KCNC2: variants seen among roughly 807,000 people sequenced by gnomAD.
KCNC2 encodes the protein voltage-gated potassium channel KCNC2.
In KCNC2, 21 loss-of-function variants were observed where a neutral mutation model predicts 44.5. The ratio of observed to expected loss-of-function variants is 0.47; its 90% CI spans 0.33 to 0.68. KCNC2 has a LOEUF of 0.68. Among genes scored for constraint, KCNC2 ranks in the 30% least tolerant of loss-of-function variants. The pLI is 0.01. For missense variants in KCNC2, 589 were observed against 826.2 expected (o/e 0.71, Z 3.52); for synonymous variants, 391 against 339.1 (o/e 1.15, Z -1.68).
chr12:75,086,681 A>AAAAATATATATAT (rs1206456289), intron 2 of KCNC2, among the ~76,000 whole-genome samples: 15 of 54,202 alleles, frequency 2.8e-4, no homozygotes, highest in Non-Finnish European at 4.2e-4. Flanking sequence ...AAAAAAAAAA[A>AAAAATATATATAT]ATATATATAT....
chr12:75,182,008 A>C (rs148923222), intron 2 of KCNC2, among the ~76,000 whole-genome samples: 1,768 of 122,642 alleles, frequency 0.014, 16 homozygotes, highest in Middle Eastern at 0.069. Flanking sequence ...TCCTGAACTC[A>C]TGATCTGCCC....
At chr12:75,076,385 G>A (rs949116680) in intron 2 of KCNC2, among the ~76,000 whole-genome samples, 9 of 152,074 alleles carry the variant, frequency 5.9e-5, no homozygotes, top group Admixed American at 5.9e-4. Flanking sequence ...CCATTCTCCT[G>A]CCTCAGCCTC....
At chr12:75,116,045 T>G (rs961383975) in intron 2 of KCNC2, among the ~76,000 whole-genome samples, 1 of 152,182 alleles carries the variant, frequency 6.6e-6, no homozygotes, top group African/African-American at 2.4e-5. Context: ...AGGAACCTTG[T>G]GCTTTATATT....
chr12:75,112,393 A>T (rs1451500770), intron 2 of KCNC2, among the ~76,000 whole-genome samples: 7 of 152,046 alleles, frequency 4.6e-5, no homozygotes, highest in African/African-American at 1.4e-4. Context: ...GAAATTTTAA[A>T]TCTTCAAAAG....
At chr12:75,129,477 G>T (rs972750097) in intron 2 of KCNC2, among the ~76,000 whole-genome samples, 1 of 151,994 alleles carries the variant, frequency 6.6e-6, no homozygotes, top group Non-Finnish European at 1.5e-5. Context: ...TATCTTGTTC[G>T]TTCTAACTTC....
At chr12:75,202,360 T>C (rs1409557155) in intron 2 of KCNC2, among the ~76,000 whole-genome samples, 13 of 151,894 alleles carry the variant, frequency 8.6e-5, no homozygotes, top group Admixed American at 8.5e-4. Context: ...ATTAATCAGG[T>C]ACTCTCTGAT....
Position 75,207,767 on chromosome 12 carries a change from CG to C in KCNC2, c.216del (p.Pro74GlnfsTer81). On this transcript the variant is annotated frameshift_variant, in exon 2 of 5. Transcript: ENST00000549446. LOFTEE classifies it high-confidence loss of function. The surrounding 1 kb of genome is among the most constrained non-coding windows in gnomAD (Gnocchi z 4.1). ...CCGCCCTCGAAGCAGCCGCCTGGCC[CG>C]GGGGACAGCGGGGGCGCTCTCGGCG... is the stretch of plus-strand genomic sequence containing the variant. ...SPPPRAPPLS[P>X]GPGGCFEGGA... 2 of 1,572,434 alleles carry C rather than the reference CG, an allele frequency of 1.3e-6. No homozygotes were observed. The highest frequency in any genetic ancestry group is 1.7e-6 in the Non-Finnish European group (2 of 1,160,324).
intron 2 of KCNC2, among the ~76,000 whole-genome samples, chr12:75,161,584 C>A (rs1891129090): frequency 1.3e-5 from 2 of 151,688 alleles, no homozygotes; most frequent in African/African-American, 4.8e-5. Context: ...CCTCTAGGAA[C>A]ATAAATTTTA....
chr12:75,045,300 A>C (rs879434196), intron 4 of KCNC2, among the ~76,000 whole-genome samples: 6 of 151,966 alleles, frequency 3.9e-5, no homozygotes, highest in Non-Finnish European at 8.8e-5. Flanking sequence ...TGCCAGTAAC[A>C]TATAAAACTT....
At chr12:75,125,166 A>C (rs1007762909) in intron 2 of KCNC2, among the ~76,000 whole-genome samples, 1 of 152,198 alleles carries the variant, frequency 6.6e-6, no homozygotes, top group African/African-American at 2.4e-5. Flanking sequence ...AAGAACATCA[A>C]ATAGGTTCAG....
intron 2 of KCNC2, among the ~76,000 whole-genome samples, chr12:75,056,174 G>T (rs1230614439): frequency 6.6e-6 from 1 of 151,890 alleles, no homozygotes; most frequent in Non-Finnish European, 1.5e-5. Context: ...ATTAGTAAAA[G>T]AATAAATTAT....
Position 75,179,777 on chromosome 12 carries a change from A to C in KCNC2, c.687+27520T>G, listed in dbSNP as rs559769738. On this transcript the variant is annotated intron_variant, in intron 2 of 4. Coordinates refer to ENST00000549446, the MANE Select transcript of KCNC2 (RefSeq NM_139137.4). ...TTTTATAAAAACTATAAAAGATATA[A>C]AACTACTTTTATATCTTGGAAATAA... Among the ~76,000 whole-genome samples the C allele has an allele frequency of 4.4e-4, 66 of 151,474 alleles. No homozygotes were observed. In the South Asian group the frequency reaches 9.6e-3, roughly 22 times the overall value.
At chr12:75,100,468 T>C (rs868672056) in intron 2 of KCNC2, among the ~76,000 whole-genome samples, 21 of 152,128 alleles carry the variant, frequency 1.4e-4, no homozygotes, top group African/African-American at 4.6e-4. Context: ...GGATGACAAA[T>C]GAAAAGGAAG....
At chr12:75,066,670 TC>T (rs1266138770) in intron 2 of KCNC2, among the ~76,000 whole-genome samples, 1 of 152,156 alleles carries the variant, frequency 6.6e-6, no homozygotes, top group Non-Finnish European at 1.5e-5. Flanking sequence ...TTTCAAGAGA[TC>T]CAATACACTT....
intron 2 of KCNC2, among the ~76,000 whole-genome samples, chr12:75,083,053 T>C (rs1884650878): frequency 6.6e-6 from 1 of 151,460 alleles, no homozygotes; most frequent in Non-Finnish European, 1.5e-5. Flanking sequence ...AATATGAATA[T>C]ATATACAAAA....
At chr12:75,063,552 G>C (rs1399615324) in intron 2 of KCNC2, among the ~76,000 whole-genome samples, 1 of 151,968 alleles carries the variant, frequency 6.6e-6, no homozygotes, top group East Asian at 1.9e-4. Flanking sequence ...AGAGAAGCAG[G>C]GCAGTGATTG....
intron 2 of KCNC2, among the ~76,000 whole-genome samples, chr12:75,054,162 G>A (rs1049106767): frequency 1.3e-5 from 2 of 151,484 alleles, no homozygotes; most frequent in African/African-American, 4.9e-5. Flanking sequence ...GGAGGAAAAG[G>A]TTGCAGTGAG....
intron 2 of KCNC2, among the ~76,000 whole-genome samples, chr12:75,088,870 C>G (rs1255364327): frequency 6.6e-6 from 1 of 151,856 alleles, no homozygotes; most frequent in African/African-American, 2.4e-5. Flanking sequence ...AACAACTAAT[C>G]TATAAAACAA....
At chr12:75,078,712 A>C (rs1295494871) in intron 2 of KCNC2, among the ~76,000 whole-genome samples, 1 of 152,194 alleles carries the variant, frequency 6.6e-6, no homozygotes, top group Non-Finnish European at 1.5e-5. Flanking sequence ...CTGAGATTCC[A>C]ATCAAGTTGG....
Sources: allele counts gnomAD v4.1 joint callset (sites outside exome capture counted in the v4.1 genomes callset), GRCh38; gene constraint gnomAD v4.1.1; non-coding constraint Gnocchi (gnomAD v3.1); transcripts MANE v1.5; gene names NCBI Gene and HGNC (gene_info 2026-07-23, HGNC 2026-07-21).